Variants in STARD13 observed in about 807,000 individuals in gnomAD.
STARD13 encodes the protein StAR related lipid transfer domain containing 13.
A neutral mutation model predicts 106.4 loss-of-function variants in STARD13; 62 were observed. That is an observed-to-expected ratio of 0.58 (90% CI 0.48 to 0.72). The LOEUF (loss-of-function observed/expected upper bound fraction) is 0.72, where lower values mean the gene tolerates loss of function less well. Ranked by LOEUF, STARD13 falls within the 30% of genes least tolerant of loss-of-function variation. The pLI is 0.00. For synonymous variants in STARD13, 565 were observed against 553.0 expected (o/e 1.02, Z -0.31); for missense variants, 1,387 against 1,424.0 (o/e 0.97, Z 0.42).
the STARD13 span, among the ~76,000 whole-genome samples, chr13:33,614,009 A>C: frequency 1.3e-5 from 2 of 152,232 alleles, no homozygotes; most frequent in Non-Finnish European, 2.9e-5. Context: ...GTGCACATGA[A>C]CATAGTCAGT....
chr13:33,129,615 G>C lies in STARD13; in HGVS notation c.1062C>G (p.His354Gln), dbSNP rs146699264. The C allele has an allele frequency of 6.2e-7, 1 of 1,613,976 alleles. No homozygotes were observed. The highest frequency in any genetic ancestry group is 1.7e-5 in the Admixed American group (1 of 60,030). ...ACATGCCCCCGCGCTTGTTGGCCTC[G>C]TGGCACTTGCGTTCCTTCAGGCAGG... is the stretch of plus-strand genomic sequence containing the variant. ...STPCLKERKC[H>Q]EANKRGGMYL... Residue 354 changes from histidine (H) to glutamine (Q), a missense_variant, in exon 5 of 14, where the codon CAC (histidine) becomes CAG (glutamine). By Grantham distance (24) the His-to-Gln change is conservative (BLOSUM62 0). Coordinates refer to ENST00000336934, the MANE Select transcript of STARD13 (RefSeq NM_178006.4).
At chr13:33,378,085 G>T in the STARD13 span, among the ~76,000 whole-genome samples, 2 of 152,106 alleles carry the variant, frequency 1.3e-5, no homozygotes, top group Non-Finnish European at 2.9e-5. Context: ...TTTAAAGGGG[G>T]GTCTCCAGAG....
chr13:33,392,623 C>T, the STARD13 span, among the ~76,000 whole-genome samples: 2 of 152,170 alleles, frequency 1.3e-5, no homozygotes, highest in Admixed American at 1.3e-4. Flanking sequence ...TGGTTTCAAA[C>T]TCCTGACCTC....
chr13:33,120,589 G>C (rs1157198849), intron 7 of STARD13, among the ~76,000 whole-genome samples: 1 of 152,116 alleles, frequency 6.6e-6, no homozygotes, highest in African/African-American at 2.4e-5. Flanking sequence ...TTTGGTTTCT[G>C]TGGATTTTTG....
At chr13:33,565,153 T>C in the STARD13 span, among the ~76,000 whole-genome samples, 1 of 146,900 alleles carries the variant, frequency 6.8e-6, no homozygotes, top group African/African-American at 2.5e-5. Context: ...TTCTCACTTA[T>C]ATATGGGAGC....
At chr13:33,621,786 G>C in the STARD13 span, among the ~76,000 whole-genome samples, 1 of 151,342 alleles carries the variant, frequency 6.6e-6, no homozygotes, top group Non-Finnish European at 1.5e-5. Context: ...TGCAGGCCCA[G>C]ATGGTTGCAC....
chr13:33,640,580 G>A, the STARD13 span, among the ~76,000 whole-genome samples: 1,582 of 152,268 alleles, frequency 0.01, 11 homozygotes, highest in Non-Finnish European at 0.016. Flanking sequence ...TTGGCAGATG[G>A]TTTTGTTATT....
the STARD13 span, among the ~76,000 whole-genome samples, chr13:33,371,749 C>A: frequency 6.6e-6 from 1 of 152,270 alleles, no homozygotes; most frequent in African/African-American, 2.4e-5. Flanking sequence ...GGTCTCTTTT[C>A]TAAAGTTATA....
intron 1 of STARD13, among the ~76,000 whole-genome samples, chr13:33,200,857 A>G (rs912196953): frequency 6.9e-6 from 1 of 144,860 alleles, no homozygotes; most frequent in Non-Finnish European, 1.5e-5. Flanking sequence ...CGTCTCTACT[A>G]AAAAAAAAAA....
At chr13:33,270,394 A>AGG (rs1726673792) in intron 1 of STARD13, among the ~76,000 whole-genome samples, 1 of 152,140 alleles carries the variant, frequency 6.6e-6, no homozygotes, top group African/African-American at 2.4e-5. Flanking sequence ...TTTATATGGC[A>AGG]CCTGTATGCA....
chr13:33,288,326 A>G (rs901075526), upstream of STARD13, among the ~76,000 whole-genome samples: 1 of 152,114 alleles, frequency 6.6e-6, no homozygotes, highest in African/African-American at 2.4e-5. Flanking sequence ...GCTGGATTGC[A>G]GTGGCGCAAT....
chr13:33,625,617 G>A, the STARD13 span, among the ~76,000 whole-genome samples: 1,074 of 152,056 alleles, frequency 7.1e-3, 31 homozygotes, highest in East Asian at 0.063. Flanking sequence ...TGGGTGTCTG[G>A]CCTTCCACAG....
chr13:33,458,809 T>G, the STARD13 span, among the ~76,000 whole-genome samples: 6 of 149,866 alleles, frequency 4.0e-5, no homozygotes, highest in South Asian at 2.1e-4. Context: ...CTGCACAACA[T>G]GTTTACTTTT....
At chr13:33,592,652 C>T in the STARD13 span, among the ~76,000 whole-genome samples, 4 of 152,094 alleles carry the variant, frequency 2.6e-5, no homozygotes, top group Non-Finnish European at 4.4e-5. Context: ...AGGAGTGCAA[C>T]GAAGAGCTTA....
chr13:33,627,967 TTC>T, the STARD13 span, among the ~76,000 whole-genome samples: 2 of 150,356 alleles, frequency 1.3e-5, no homozygotes. Flanking sequence ...TTTTTTTTCT[TTC>T]TTTTTTTTTT....
chr13:33,509,507 A>G, the STARD13 span, among the ~76,000 whole-genome samples: 1 of 152,214 alleles, frequency 6.6e-6, no homozygotes, highest in Non-Finnish European at 1.5e-5. Context: ...ATCCCTAGGA[A>G]TTCCACCACT....
chr13:33,344,768 A>G (rs1196536601), downstream of STARD13, among the ~76,000 whole-genome samples: 1 of 152,272 alleles, frequency 6.6e-6, no homozygotes, highest in African/African-American at 2.4e-5. Context: ...ACTATAAAGA[A>G]GATCAAAAGA....
intron 1 of STARD13, chr13:33,272,752 C>T (rs886958781): frequency 1.2e-4 from 19 of 152,306 alleles, no homozygotes; most frequent in African/African-American, 4.6e-4. Flanking sequence ...CAATAAACCT[C>T]ACAGAATGGA....
At chr13:33,550,309 AAAC>A in the STARD13 span, among the ~76,000 whole-genome samples, 11 of 152,220 alleles carry the variant, frequency 7.2e-5, no homozygotes, top group East Asian at 5.8e-4. Context: ...TACTCCTTGA[AAAC>A]AACAAGGATA....
Sources: allele counts gnomAD v4.1 joint callset (sites outside exome capture counted in the v4.1 genomes callset), GRCh38; gene constraint gnomAD v4.1.1; transcripts MANE v1.5; gene names NCBI Gene and HGNC (gene_info 2026-07-23, HGNC 2026-07-21).